Variants in TENM1 observed in about 807,000 individuals in gnomAD.
TENM1 encodes the protein teneurin-1.
Under a neutral mutation model 174.8 loss-of-function variants are expected in TENM1, and 35 were observed. The ratio of observed to expected loss-of-function variants is 0.20; its 90% CI spans 0.15 to 0.27. The LOEUF (loss-of-function observed/expected upper bound fraction) is 0.27. TENM1 is among the 10% of genes least tolerant of loss of function. The pLI is 1.00. For missense variants in TENM1, 1,633 were observed against 2,130.1 expected, an observed-to-expected ratio of 0.77 and a Z score of 4.59; for synonymous variants, 781 against 798.7, an observed-to-expected ratio of 0.98 and a Z score of 0.37.
the TENM1 span, among the ~76,000 whole-genome samples, chrX:125,187,847 A>G: frequency 1.8e-5 from 2 of 111,745 alleles, no homozygotes; most frequent in African/African-American, 6.5e-5. Context: ...GATGTTCAAA[A>G]ATATTTATTT....
At chrX:124,835,435 A>C (rs1296067156) in intron 3 of TENM1, among the ~76,000 whole-genome samples, 2 of 112,239 alleles carry the variant, frequency 1.8e-5, no homozygotes, top group Non-Finnish European at 3.8e-5. Flanking sequence ...CATAATTATG[A>C]AATATAATAT....
chrX:124,477,908 T>C (rs1304954369), intron 22 of TENM1, among the ~76,000 whole-genome samples: 1 of 107,036 alleles, frequency 9.3e-6, no homozygotes, highest in Non-Finnish European at 1.9e-5. Context: ...ACATGTGTAG[T>C]ATGTCCAGGT....
At chrX:124,485,734 G>C (rs1430655081) in intron 21 of TENM1, among the ~76,000 whole-genome samples, 1 of 111,723 alleles carries the variant, frequency 9.0e-6, no homozygotes, top group East Asian at 2.8e-4. Flanking sequence ...ATCTCAGCTG[G>C]GGAAACCCAG....
intron 3 of TENM1, among the ~76,000 whole-genome samples, chrX:124,831,756 G>T (rs186072746): frequency 9.8e-4 from 109 of 111,061 alleles, no homozygotes; most frequent in African/African-American, 3.3e-3. Flanking sequence ...TTAAAATTGT[G>T]CCCTCTGTGA....
the TENM1 span, among the ~76,000 whole-genome samples, chrX:125,112,060 A>G: frequency 9.1e-6 from 1 of 109,793 alleles, no homozygotes; most frequent in Admixed American, 9.8e-5. Flanking sequence ...CTTTGTTTCC[A>G]TTTATGTCTT....
At chrX:124,993,762 GATT>G in the TENM1 span, among the ~76,000 whole-genome samples, 3 of 110,591 alleles carry the variant, frequency 2.7e-5, no homozygotes, top group Non-Finnish European at 5.7e-5. Context: ...GAAAAAAGTA[GATT>G]ATAATATTTA....
At chrX:125,115,899 T>C in the TENM1 span, among the ~76,000 whole-genome samples, 1 of 110,794 alleles carries the variant, frequency 9.0e-6, no homozygotes, top group Admixed American at 9.6e-5. Context: ...AACTACTTTA[T>C]ATTTCATATG....
chrX:125,059,425 C>G, the TENM1 span, among the ~76,000 whole-genome samples: 1 of 111,430 alleles, frequency 9.0e-6, no homozygotes, highest in Admixed American at 9.6e-5. Flanking sequence ...TATCATCTCA[C>G]AGTTACCCAT....
At chrX:125,061,660 T>C in the TENM1 span, among the ~76,000 whole-genome samples, 198 of 112,162 alleles carry the variant, frequency 1.8e-3, 4 homozygotes, top group Non-Finnish European at 1.3e-3. Flanking sequence ...CTCATGCCTG[T>C]AATCCCAGCA....
At chrX:124,991,939 C>T in the TENM1 span, among the ~76,000 whole-genome samples, 1 of 111,205 alleles carries the variant, frequency 9.0e-6, no homozygotes, top group Admixed American at 9.6e-5. Context: ...CAGGAACCAA[C>T]TCCTTACCTT....
intron 15 of TENM1, among the ~76,000 whole-genome samples, chrX:124,541,906 T>C (rs1012736001): frequency 3.6e-5 from 4 of 112,361 alleles, no homozygotes; most frequent in African/African-American, 6.5e-5. Flanking sequence ...ACCCAGGTCT[T>C]AAGAGACTGG....
chrX:124,595,306 G>A (rs908884130), intron 11 of TENM1, among the ~76,000 whole-genome samples: 2 of 111,978 alleles, frequency 1.8e-5, no homozygotes, highest in African/African-American at 6.5e-5. Context: ...TAATTAACTT[G>A]ATTGTGGTAA....
chrX:124,659,675 G>C (rs1271025561), intron 6 of TENM1, among the ~76,000 whole-genome samples: 1 of 110,681 alleles, frequency 9.0e-6, no homozygotes, highest in Non-Finnish European at 1.9e-5. Flanking sequence ...AATAACTAAA[G>C]CAATCTTTAA....
At chrX:124,591,708 T>C (rs983324098) in intron 11 of TENM1, among the ~76,000 whole-genome samples, 5 of 111,746 alleles carry the variant, frequency 4.5e-5, no homozygotes, top group East Asian at 2.8e-4. Context: ...GCATTGGTGA[T>C]GTTCATTCTG....
At chrX:125,180,467 T>C in the TENM1 span, among the ~76,000 whole-genome samples, 1 of 102,823 alleles carries the variant, frequency 9.7e-6, no homozygotes, top group Admixed American at 1.1e-4. Context: ...ACTTGAGGAG[T>C]TGAGACCATC....
intron 11 of TENM1, among the ~76,000 whole-genome samples, chrX:124,629,625 A>G (rs1330889599): frequency 8.9e-6 from 1 of 112,326 alleles, no homozygotes; most frequent in Non-Finnish European, 1.9e-5. Context: ...CAAAATATTA[A>G]TTATTTCCCT....
At chrX:124,707,218 G>T (rs139887891) in intron 4 of TENM1, among the ~76,000 whole-genome samples, 1 of 111,494 alleles carries the variant, frequency 9.0e-6, no homozygotes, top group Non-Finnish European at 1.9e-5. Context: ...GCCCAGGCTG[G>T]TCTTGAACTC....
At chrX:124,565,610 ATCCATTCTTCC>A in intron 11 of TENM1, 50 bp from the exon 15 acceptor site, 1 of 910,484 alleles carries the variant, frequency 1.1e-6, no homozygotes, top group Admixed American at 3.5e-5. Context: ...TAAAACCAGC[ATCCATTCTTCC>A]AAAAAACATT....
At chrX:124,974,368 T>C in the TENM1 span, among the ~76,000 whole-genome samples, 1 of 111,813 alleles carries the variant, frequency 8.9e-6, no homozygotes, top group Non-Finnish European at 1.9e-5. Context: ...ATGTATTTGT[T>C]TAATCTACCT....
Sources: allele counts gnomAD v4.1 joint callset (sites outside exome capture counted in the v4.1 genomes callset), GRCh38; gene constraint gnomAD v4.1.1; transcripts MANE v1.5; gene names NCBI Gene and HGNC (gene_info 2026-07-23, HGNC 2026-07-21).